The following DCAF5 variants were observed in gnomAD, a reference collection of about 807,000 sequenced individuals.
DCAF5 encodes DDB1 and CUL4 associated factor 5, also known as DDB1- and CUL4-associated factor 5.
A neutral mutation model predicts 80.7 loss-of-function variants in DCAF5; 9 were observed. The ratio of observed to expected loss-of-function variants is 0.11; its 90% CI spans 0.07 to 0.19. DCAF5 has a LOEUF of 0.19. Ranked by LOEUF, DCAF5 falls within the 10% of genes least tolerant of loss-of-function variation. The pLI, the probability that DCAF5 is intolerant of heterozygous loss-of-function variation, is 1.00. For missense variants in DCAF5, 842 were observed against 1,205.7 expected (o/e 0.70, Z 4.47); for synonymous variants, 433 against 461.9 (o/e 0.94, Z 0.80).
chr14:69,075,183 G>A (rs1217918347), intron 7 of DCAF5, among the ~76,000 whole-genome samples, 162 bp downstream of exon 7: 1 of 152,140 alleles, frequency 6.6e-6, no homozygotes, highest in Admixed American at 6.6e-5. Context: ...GAGGGATATA[G>A]TTTAATCTGG....
chr14:69,070,566 G>T (rs1239189741), intron 7 of DCAF5, among the ~76,000 whole-genome samples: 1 of 152,146 alleles, frequency 6.6e-6, no homozygotes, highest in African/African-American at 2.4e-5. Context: ...CAAGTTAGAG[G>T]ACTTGAATCC....
chr14:69,103,716 T>G (rs1247042008), intron 5 of DCAF5, among the ~76,000 whole-genome samples: 1 of 152,228 alleles, frequency 6.6e-6, no homozygotes, highest in Admixed American at 6.5e-5. Flanking sequence ...TAACAATCAC[T>G]GCAATTAAGA....
chr14:69,069,927 G>C (rs1327250644), intron 7 of DCAF5, among the ~76,000 whole-genome samples: 2 of 152,144 alleles, frequency 1.3e-5, no homozygotes, highest in African/African-American at 4.8e-5. Flanking sequence ...AGCCGAGAAG[G>C]CTTTCTTAGT....
chr14:69,135,320 A>T, intron 1 of DCAF5, among the ~76,000 whole-genome samples: 1 of 152,348 alleles, frequency 6.6e-6, no homozygotes, highest in African/African-American at 2.4e-5. Flanking sequence ...TTCACAATAA[A>T]ACACAAATGC....
chr14:69,110,737 G>C (rs1566763845), intron 5 of DCAF5, among the ~76,000 whole-genome samples: 1 of 151,792 alleles, frequency 6.6e-6, no homozygotes, highest in South Asian at 2.1e-4. Flanking sequence ...AATTAGCCAG[G>C]CATGATAGCA....
At chr14:69,060,905 T>G (rs1400686633) in intron 8 of DCAF5, among the ~76,000 whole-genome samples, 2 of 150,814 alleles carry the variant, frequency 1.3e-5, no homozygotes, top group Admixed American at 1.3e-4. Context: ...GTTATTTTTT[T>G]AAGAACAAAA....
chr14:69,122,442 T>A, intron 1 of DCAF5, 82 bp from the exon 2 acceptor site: 1 of 1,492,356 alleles, frequency 6.7e-7, no homozygotes, highest in East Asian at 2.3e-5. Flanking sequence ...TTGAATCCCA[T>A]CCTTTCCAAA....
chr14:69,141,401 C>A (rs185967980), intron 1 of DCAF5, among the ~76,000 whole-genome samples: 1 of 151,840 alleles, frequency 6.6e-6, no homozygotes, highest in Non-Finnish European at 1.5e-5. Flanking sequence ...ATGTGCACAA[C>A]GTGCAGGTTT....
intron 6 of DCAF5, among the ~76,000 whole-genome samples, chr14:69,082,656 T>C (rs565159846): frequency 8.9e-4 from 136 of 152,334 alleles, no homozygotes; most frequent in Non-Finnish European, 1.5e-3. Context: ...CCCCCCTCCA[T>C]GGGCTTCAGT....
intron 8 of DCAF5, among the ~76,000 whole-genome samples, chr14:69,058,767 G>A (rs1329762944): frequency 6.6e-6 from 1 of 151,630 alleles, no homozygotes; most frequent in Non-Finnish European, 1.5e-5. Context: ...CAGCTACTCA[G>A]GAGCCTGAGA....
chr14:69,091,905 C>T lies in DCAF5; in HGVS notation c.666-18G>A. Reference sequence around the variant, plus strand: ...GGAGAGAACTGGAAGGCACAAGGCACAGGAATCAGGCATGAGATAGGCTAA... The same window carrying T: ...GGAGAGAACTGGAAGGCACAAGGCATAGGAATCAGGCATGAGATAGGCTAA... On this transcript the variant is annotated intron_variant, in intron 5 of 8. Coordinates refer to ENST00000341516, the MANE Select transcript of DCAF5 (RefSeq NM_003861.3). 1.3e-6 allele frequency: 2 copies of T among 1,595,634 alleles called. No individual in the cohort carries two copies. The highest frequency in any genetic ancestry group is 1.7e-6 in the Non-Finnish European group (2 of 1,168,572).
chr14:69,100,837 T>C (rs1423538296), intron 5 of DCAF5, among the ~76,000 whole-genome samples: 2 of 152,286 alleles, frequency 1.3e-5, no homozygotes, highest in South Asian at 4.1e-4. Flanking sequence ...AAGAAGTCCC[T>C]ATCTAAAATA....
intron 7 of DCAF5, among the ~76,000 whole-genome samples, chr14:69,064,237 T>G (rs1239390295): frequency 6.6e-6 from 1 of 152,210 alleles, no homozygotes; most frequent in Non-Finnish European, 1.5e-5. Flanking sequence ...CCCCAAAAAG[T>G]TCCTTTGGGT....
At chr14:69,140,234 TCCAGC>T (rs1284975576) in intron 1 of DCAF5, among the ~76,000 whole-genome samples, 1 of 150,624 alleles carries the variant, frequency 6.6e-6, no homozygotes, top group Non-Finnish European at 1.5e-5. Context: ...GCCATTGCAC[TCCAGC>T]CTGGGCGACA....
Position 69,118,354 on chromosome 14 carries a change from G to A in DCAF5, c.396-76C>T, listed in dbSNP as rs1489828801. On this transcript the variant is annotated intron_variant, in intron 3 of 8. Transcript: ENST00000341516. This position sits in a 1 kb window ranked among gnomAD's most constrained non-coding sequence, Gnocchi z 4.0. ...TGCAGAGTCCCAGCACTTTGGTACCGAGGGTGCCATCTTTTCCATTTCTAG... is the reference window on the plus strand; with the variant it reads ...TGCAGAGTCCCAGCACTTTGGTACCAAGGGTGCCATCTTTTCCATTTCTAG... The A allele has an allele frequency of 6.4e-6, 9 of 1,414,444 alleles. No homozygotes were observed. The East Asian group carries it at 1.2e-4, about 19-fold the overall frequency. 87.6% of individuals were successfully genotyped at this position (1,414,444 alleles called of 1,614,324 possible). A position where few individuals can be genotyped will look rare whatever the true frequency, so the allele number is the denominator to read the frequency against.
chr14:69,085,106 T>C, intron 6 of DCAF5: 1 of 858,288 alleles, frequency 1.2e-6, no homozygotes, highest in Non-Finnish European at 2.0e-6. Context: ...ACTTTTTTCA[T>C]AAGTCAGCTC....
At chr14:69,097,182 T>G (rs994429975) in intron 5 of DCAF5, among the ~76,000 whole-genome samples, 1 of 152,132 alleles carries the variant, frequency 6.6e-6, no homozygotes, top group East Asian at 1.9e-4. Flanking sequence ...ATTTAGTACT[T>G]TCTAAAAAGA....
chr14:69,055,050 G>C lies in DCAF5; in HGVS notation c.1636C>G (p.Leu546Val). The C allele has an allele frequency of 3.1e-6, 5 of 1,614,260 alleles. No homozygotes were observed. The highest frequency in any genetic ancestry group is 4.2e-6 in the Non-Finnish European group (5 of 1,180,050). ...NVCEVELDTD[L>V]FPRPRSPSPE... ...CTGGGTGACCGTGGCCGGGGAAAGA[G>C]ATCTGTGTCTAGTTCCACCTCACAG... The change falls in exon 9 of 9, where the codon CTC becomes GTC. Residue 546 changes from leucine to valine, a missense_variant. Around this residue, in one of 5 missense-constraint regions of DCAF5, gnomAD observed 607 missense variants for 656.6 expected, o/e 0.92. Transcript: ENST00000341516. This position sits in a 1 kb window ranked among gnomAD's most constrained non-coding sequence, Gnocchi z 5.6.
At chr14:69,062,672 A>C (rs1015075660) in intron 7 of DCAF5, among the ~76,000 whole-genome samples, 161 bp from the exon 8 acceptor site, 1 of 151,660 alleles carries the variant, frequency 6.6e-6, no homozygotes, top group African/African-American at 2.4e-5. Flanking sequence ...GGAAAGAGAG[A>C]AGATGAAACA....
Sources: gnomAD v4.1 joint callset for allele counts (sites outside exome capture counted in the v4.1 genomes callset) on GRCh38, gnomAD v4.1.1 for gene constraint, gnomAD v4.1.1 regional missense constraint, Gnocchi (gnomAD v3.1) non-coding constraint, MANE v1.5 for transcripts, NCBI Gene and HGNC (gene_info 2026-07-23, HGNC 2026-07-21) for gene names.